The following GMDS variants were observed in gnomAD, a reference collection of about 807,000 sequenced individuals.
GMDS encodes GDP-mannose 4,6 dehydratase.
Under a neutral mutation model 49.9 loss-of-function variants are expected in GMDS, and 20 were observed. The observed-to-expected ratio is 0.40, with a 90% CI of 0.28 to 0.58. The LOEUF is 0.58. Among genes scored for constraint, GMDS ranks in the 20% least tolerant of loss-of-function variants. The pLI is 0.42. For synonymous variants in GMDS, 177 were observed against 178.6 expected (o/e 0.99, Z 0.07); for missense variants, 362 against 481.4 (o/e 0.75, Z 2.32).
chr6:1,973,449 A>T (rs1476227929), intron 4 of GMDS, among the ~76,000 whole-genome samples: 1 of 152,238 alleles, frequency 6.6e-6, no homozygotes, highest in Non-Finnish European at 1.5e-5. Context: ...AGGGGTATTT[A>T]GCCAATGGCC....
At chr6:1,912,423 TTA>T (rs1761117250) in intron 7 of GMDS, among the ~76,000 whole-genome samples, 1 of 152,178 alleles carries the variant, frequency 6.6e-6, no homozygotes, top group Admixed American at 6.5e-5. Context: ...CTCCAACTTT[TTA>T]GAGTTCTTTC....
intron 7 of GMDS, among the ~76,000 whole-genome samples, chr6:1,743,321 A>G (rs1029154623): frequency 6.6e-6 from 1 of 152,180 alleles, no homozygotes; most frequent in Non-Finnish European, 1.5e-5. Context: ...TGGGAGGCCG[A>G]GGCGGGTGGA....
At chr6:1,979,260 G>C (rs924218165) in intron 4 of GMDS, among the ~76,000 whole-genome samples, 5 of 152,226 alleles carry the variant, frequency 3.3e-5, no homozygotes, top group Non-Finnish European at 7.3e-5. Context: ...GCTGAGCTAA[G>C]GGAGCATGTT....
rs950255607 is a variant in GMDS, at chr6:1,999,804, T to C, written c.346-38838A>G. ...ATATTACTCCCCTTTCTTAAAAACA[T>C]AGTTAACACTGACATTCTTATCTGT... On this transcript the variant is annotated intron_variant, in intron 4 of 10. Coordinates refer to ENST00000380815, the MANE Select transcript of GMDS (RefSeq NM_001500.4). Among the ~76,000 whole-genome samples, 16 of 144,010 alleles carry C rather than the reference T, an allele frequency of 1.1e-4. No individual in the cohort carries two copies. In the South Asian group the frequency reaches 3.2e-3, roughly 29 times the overall value. 94.5% of individuals were successfully genotyped at this position (144,010 alleles called of 152,430 possible).
chr6:2,031,778 G>A (rs930817275), intron 4 of GMDS, among the ~76,000 whole-genome samples: 6 of 152,170 alleles, frequency 3.9e-5, no homozygotes, highest in East Asian at 1.9e-4. Flanking sequence ...CAAGCCTGGC[G>A]GGTACCTTAA....
At chr6:1,996,864 A>C (rs1219440446) in intron 4 of GMDS, among the ~76,000 whole-genome samples, 1 of 152,184 alleles carries the variant, frequency 6.6e-6, no homozygotes, top group Non-Finnish European at 1.5e-5. Context: ...AGAAGAGAAA[A>C]ACAGAAATTG....
At chr6:1,701,616 A>G (rs1169537347) in intron 9 of GMDS, among the ~76,000 whole-genome samples, 1 of 152,208 alleles carries the variant, frequency 6.6e-6, no homozygotes, top group Non-Finnish European at 1.5e-5. Context: ...TGAGGGAGTA[A>G]TAGCGTGGTC....
intron 8 of GMDS, among the ~76,000 whole-genome samples, chr6:1,731,202 G>A (rs1213977198): frequency 6.6e-6 from 1 of 152,224 alleles, no homozygotes; most frequent in Non-Finnish European, 1.5e-5. Flanking sequence ...GCAAAAAGGT[G>A]TAGACATGAA....
intron 1 of GMDS, among the ~76,000 whole-genome samples, chr6:2,174,392 G>A (rs1434581507): frequency 1.3e-5 from 2 of 152,036 alleles, no homozygotes; most frequent in African/African-American, 2.4e-5. Flanking sequence ...TTTTTAATGG[G>A]TGAATTTCAT....
Position 1,677,785 on chromosome 6 carries a change from G to A in GMDS, c.987+48631C>T, listed in dbSNP as rs1169847048. Among the ~76,000 whole-genome samples, 23 of 120,058 alleles carry A rather than the reference G, an allele frequency of 1.9e-4. No homozygotes were observed. The Admixed American group carries it at 2.3e-3, about 12-fold the overall frequency. The allele number at this position is 120,058 out of a possible 152,430, so 78.8% of individuals were successfully genotyped here. ...CACAGGGTGCGGAACATCACACACC[G>A]GTACCTGTCGTGGGGTGGGGGGAGG... On this transcript the variant is annotated intron_variant, in intron 9 of 10. Transcript: ENST00000380815.
At chr6:1,848,224 A>T (rs1009868025) in intron 7 of GMDS, among the ~76,000 whole-genome samples, 1 of 152,052 alleles carries the variant, frequency 6.6e-6, no homozygotes, top group African/African-American at 2.4e-5. Context: ...TTCATCATCT[A>T]CCGCTTGTAG....
chr6:2,096,253 A>G (rs1773598604), intron 4 of GMDS, among the ~76,000 whole-genome samples: 1 of 152,206 alleles, frequency 6.6e-6, no homozygotes, highest in Non-Finnish European at 1.5e-5. Context: ...AGAGGCGTGA[A>G]ATGAAAGAAG....
intron 9 of GMDS, among the ~76,000 whole-genome samples, chr6:1,698,020 C>G (rs1344703355): frequency 6.6e-6 from 1 of 152,196 alleles, no homozygotes; most frequent in Non-Finnish European, 1.5e-5. Context: ...ATCATTTCAT[C>G]TGTGGCCACA....
At chr6:1,853,383 T>G (rs1757785458) in intron 7 of GMDS, among the ~76,000 whole-genome samples, 1 of 149,716 alleles carries the variant, frequency 6.7e-6, no homozygotes, top group African/African-American at 2.5e-5. Context: ...CCGGGCGTGG[T>G]AGCGGGCGCC....
intron 4 of GMDS, among the ~76,000 whole-genome samples, chr6:1,968,563 G>A (rs1207478180): frequency 1.3e-5 from 2 of 152,122 alleles, no homozygotes; most frequent in Non-Finnish European, 2.9e-5. Context: ...TTGGTCCTGA[G>A]TCTCTCATAA....
At chr6:2,087,957 T>C (rs955795853) in intron 4 of GMDS, among the ~76,000 whole-genome samples, 4 of 152,214 alleles carry the variant, frequency 2.6e-5, no homozygotes, top group Admixed American at 6.5e-5. Flanking sequence ...GATCTTTGTT[T>C]TTCCTAACCT....
chr6:1,840,515 T>A (rs1219395670), intron 7 of GMDS, among the ~76,000 whole-genome samples: 1 of 152,174 alleles, frequency 6.6e-6, no homozygotes, highest in Non-Finnish European at 1.5e-5. Context: ...AACAGGAGCA[T>A]GTATTGCTGA....
intron 1 of GMDS, among the ~76,000 whole-genome samples, chr6:2,189,762 C>T (rs1778932659): frequency 6.6e-6 from 1 of 152,188 alleles, no homozygotes; most frequent in Non-Finnish European, 1.5e-5. Context: ...CTGTATTCTA[C>T]CCGTTCTGGG....
chr6:2,141,890 C>CT (rs764553735), intron 1 of GMDS, among the ~76,000 whole-genome samples: 7 of 140,382 alleles, frequency 5.0e-5, no homozygotes, highest in African/African-American at 1.9e-4. Context: ...CTCTCTCTCT[C>CT]TTCTCTTTCT....
Sources: allele counts gnomAD v4.1 joint callset (sites outside exome capture counted in the v4.1 genomes callset), GRCh38; gene constraint gnomAD v4.1.1; transcripts MANE v1.5; gene names NCBI Gene and HGNC (gene_info 2026-07-23, HGNC 2026-07-21).